The following KLHL2 variants were observed in gnomAD, a reference collection of about 807,000 sequenced individuals.
The protein encoded by KLHL2 is kelch like family member 2.
In KLHL2, 15 loss-of-function variants were observed where a neutral mutation model predicts 75.8. That is an observed-to-expected ratio of 0.20 (90% CI 0.13 to 0.30). The LOEUF (loss-of-function observed/expected upper bound fraction) is 0.30, where lower values mean the gene tolerates loss of function less well. Among genes scored for constraint, KLHL2 ranks in the 10% least tolerant of loss-of-function variants. The pLI is 1.00. For missense variants in KLHL2, 381 were observed against 741.0 expected (o/e 0.51, Z 5.64); for synonymous variants, 214 against 251.9 (o/e 0.85, Z 1.42).
At chr4:165,261,419 C>T (rs1741665511) in intron 4 of KLHL2, among the ~76,000 whole-genome samples, 1 of 152,106 alleles carries the variant, frequency 6.6e-6, no homozygotes, top group African/African-American at 2.4e-5. Context: ...CGGCTCATTG[C>T]AACCTCTGCC....
intron 4 of KLHL2, 22 bp downstream of exon 4, chr4:165,238,921 C>G: frequency 6.3e-7 from 1 of 1,583,550 alleles, no homozygotes; most frequent in Non-Finnish European, 8.5e-7. Context: ...CACTTCACAC[C>G]ATCTAGCTTT....
At chr4:165,312,684 C>T (rs1345170288) in intron 11 of KLHL2, among the ~76,000 whole-genome samples, 4 of 152,190 alleles carry the variant, frequency 2.6e-5, no homozygotes, top group Non-Finnish European at 5.9e-5. Flanking sequence ...TGCTAGTCTA[C>T]TTTCTATCAC....
In KLHL2 at chr4:165,207,759, G is replaced by A. The variant is rs190204099; in HGVS notation, c.-118G>A. 1.8e-4 allele frequency: 149 copies of A among 808,676 alleles called. 1 individual carries two copies. The highest frequency in any genetic ancestry group is 1.3e-3 in the Middle Eastern group (3 of 2,306). The allele number at this position is 808,676 out of a possible 1,614,324, so 50.1% of individuals were successfully genotyped here. A position where few individuals can be genotyped will look rare whatever the true frequency, so the allele number is the denominator to read the frequency against. On this transcript the variant is annotated 5_prime_UTR_variant, in exon 1 of 15. Coordinates refer to ENST00000226725, the MANE Select transcript of KLHL2 (RefSeq NM_007246.4). The surrounding 1 kb of genome is among the most constrained non-coding windows in gnomAD (Gnocchi z 4.2). ...TGGCGCGCGGTGAGGAGAGCGCGGCGCCCCCTCCGGGGCGGATGGAACGCG... is the reference window on the plus strand; with the variant it reads ...TGGCGCGCGGTGAGGAGAGCGCGGCACCCCCTCCGGGGCGGATGGAACGCG...
At chr4:165,246,780 C>T (rs569945345) in intron 4 of KLHL2, among the ~76,000 whole-genome samples, 35 of 152,156 alleles carry the variant, frequency 2.3e-4, no homozygotes, top group Non-Finnish European at 4.9e-4. Context: ...GTTGGGCTTA[C>T]AAGTGGAGAT....
At chr4:165,291,662 C>T (rs911541732) in intron 5 of KLHL2, among the ~76,000 whole-genome samples, 1 of 152,044 alleles carries the variant, frequency 6.6e-6, no homozygotes, top group Non-Finnish European at 1.5e-5. Context: ...TTTCTGGGCT[C>T]TCTATTCTGT....
At chr4:165,234,042 A>C (rs1205621829) in intron 3 of KLHL2, among the ~76,000 whole-genome samples, 3 of 152,214 alleles carry the variant, frequency 2.0e-5, no homozygotes, top group Non-Finnish European at 2.9e-5. Context: ...CCAACATCTC[A>C]AGGAAGGAGG....
At chr4:165,250,377 C>G (rs1364532019) in intron 4 of KLHL2, among the ~76,000 whole-genome samples, 1 of 152,234 alleles carries the variant, frequency 6.6e-6, no homozygotes, top group East Asian at 1.9e-4. Flanking sequence ...TTAACAACTC[C>G]TCAAGGTAAA....
intron 2 of KLHL2, among the ~76,000 whole-genome samples, chr4:165,226,149 A>G (rs1206119095): frequency 5.3e-5 from 8 of 152,224 alleles, no homozygotes; most frequent in Non-Finnish European, 2.9e-5. Flanking sequence ...CACTTGACTC[A>G]TGTTTGAGTT....
intron 2 of KLHL2, among the ~76,000 whole-genome samples, chr4:165,225,552 A>T (rs958353064): frequency 6.6e-6 from 1 of 152,214 alleles, no homozygotes; most frequent in African/African-American, 2.4e-5. Context: ...GAAATTCACC[A>T]TGGAAGACTT....
At chr4:165,219,629 A>T in intron 1 of KLHL2, 2 of 1,070,988 alleles carry the variant, frequency 1.9e-6, no homozygotes, top group Non-Finnish European at 2.3e-6. Context: ...AATGGAGAAG[A>T]TCATTTCTCA....
chr4:165,304,379 T>G lies in KLHL2; in HGVS notation c.922-1229T>G, dbSNP rs554463205. On this transcript the variant is annotated intron_variant, in intron 8 of 14. Coordinates refer to ENST00000226725, the MANE Select transcript of KLHL2 (RefSeq NM_007246.4). ...TTCTTTAATTCTAAGTACAGGTAGGTCATTGCCTAGTCAAGGCTGCAAATC... is the reference window on the plus strand; with the variant it reads ...TTCTTTAATTCTAAGTACAGGTAGGGCATTGCCTAGTCAAGGCTGCAAATC... Among the ~76,000 whole-genome samples the G allele has an allele frequency of 2.6e-5, 4 of 152,338 alleles. No individual in the cohort carries two copies. The South Asian group carries it at 6.2e-4, about 24-fold the overall frequency.
chr4:165,219,743 T>G, intron 1 of KLHL2, 191 bp from the exon 2 acceptor site: 2 of 1,279,482 alleles, frequency 1.6e-6, no homozygotes, highest in Non-Finnish European at 2.0e-6. Context: ...ACTTTTTAAT[T>G]GAAACCATAG....
chr4:165,245,616 G>A (rs1033389462), intron 4 of KLHL2, among the ~76,000 whole-genome samples: 1 of 152,118 alleles, frequency 6.6e-6, no homozygotes, highest in Admixed American at 6.5e-5. Context: ...GGTACTTGGG[G>A]GGCACATCAC....
intron 5 of KLHL2, among the ~76,000 whole-genome samples, chr4:165,284,940 T>C (rs902936697): frequency 1.3e-5 from 2 of 152,142 alleles, no homozygotes; most frequent in African/African-American, 4.8e-5. Flanking sequence ...TTTAAAACCG[T>C]CAGATCTCGT....
chr4:165,254,528 A>G (rs1741005886), intron 4 of KLHL2, among the ~76,000 whole-genome samples: 1 of 152,216 alleles, frequency 6.6e-6, no homozygotes. Flanking sequence ...TCTATTGATC[A>G]ATGTTCCTTA....
At chr4:165,244,947 T>C (rs1740134793) in intron 4 of KLHL2, among the ~76,000 whole-genome samples, 1 of 152,204 alleles carries the variant, frequency 6.6e-6, no homozygotes, top group Admixed American at 6.5e-5. Flanking sequence ...CTCATGCCTG[T>C]AATCCCAGCA....
chr4:165,299,372 C>T, intron 7 of KLHL2, 135 bp from the exon 8 acceptor site: 1 of 717,818 alleles, frequency 1.4e-6, no homozygotes. Flanking sequence ...TATTTATAAA[C>T]TTTCCTCGTT....
intron 5 of KLHL2, among the ~76,000 whole-genome samples, chr4:165,281,822 T>C (rs1203429071): frequency 6.6e-6 from 1 of 152,218 alleles, no homozygotes; most frequent in Non-Finnish European, 1.5e-5. Context: ...TATGTGTGTG[T>C]AGTTTATGTG....
rs1267899906 is a variant in KLHL2, at chr4:165,319,624, A to G, written c.1753+1655A>G. ...GAACATGCAGCTTTTATGTGGGTGC[A>G]GGATTTTTGTTTTTGAGACAGAATC... is the stretch of plus-strand genomic sequence containing the variant. On this transcript the variant is annotated intron_variant, in intron 14 of 14. Transcript: ENST00000226725. The surrounding 1 kb of genome is among the most constrained non-coding windows in gnomAD (Gnocchi z 4.5). 6.6e-6 allele frequency among the ~76,000 whole-genome samples: 1 copy of G among 151,954 alleles called. No individual in the cohort carries two copies. Among genetic ancestry groups the G allele is most frequent in the Non-Finnish European group, 1.5e-5 (1 of 67,962 alleles).
Sources: gnomAD v4.1 joint callset for allele counts (sites outside exome capture counted in the v4.1 genomes callset) on GRCh38, gnomAD v4.1.1 for gene constraint, Gnocchi (gnomAD v3.1) non-coding constraint, MANE v1.5 for transcripts, NCBI Gene and HGNC (gene_info 2026-07-23, HGNC 2026-07-21) for gene names.